The following FSTL1 variants were observed in gnomAD, a reference collection of about 807,000 sequenced individuals.
The protein encoded by FSTL1 is follistatin like 1.
In FSTL1, 24 loss-of-function variants were observed where a neutral mutation model predicts 45.9. The ratio of observed to expected loss-of-function variants is 0.52; its 90% CI spans 0.38 to 0.74. The LOEUF is 0.74. Among genes scored for constraint, FSTL1 ranks in the 30% least tolerant of loss-of-function variants. The pLI, the probability that FSTL1 is intolerant of heterozygous loss-of-function variation, is 0.00. For missense variants in FSTL1, 340 were observed against 381.8 expected (o/e 0.89, Z 0.91); for synonymous variants, 120 against 137.6 (o/e 0.87, Z 0.89).
At chr3:120,423,713 G>C (rs1257983200) in intron 2 of FSTL1, 2 of 152,190 alleles carry the variant, frequency 1.3e-5, no homozygotes, top group Non-Finnish European at 2.9e-5. Flanking sequence ...TGACTCCACT[G>C]CTACTGACAG....
intron 3 of FSTL1, among the ~76,000 whole-genome samples, chr3:120,415,216 A>G (rs1937166757): frequency 6.6e-6 from 1 of 152,058 alleles, no homozygotes; most frequent in African/African-American, 2.4e-5. Context: ...CCCTGGTGTC[A>G]ATCAATGCTA....
chr3:120,421,642 T>C (rs2107661061), intron 2 of FSTL1: 1 of 152,360 alleles, frequency 6.6e-6, no homozygotes, highest in African/African-American at 2.4e-5. Context: ...TCTCTCTTTT[T>C]TTCTGGAAAG....
intron 2 of FSTL1, among the ~76,000 whole-genome samples, chr3:120,439,077 C>A (rs1937601102): frequency 6.6e-6 from 1 of 152,290 alleles, no homozygotes; most frequent in South Asian, 2.1e-4. Flanking sequence ...CAGAGCCAAG[C>A]AGACAGTGTC....
At chr3:120,436,472 T>C (rs1017539307) in intron 2 of FSTL1, among the ~76,000 whole-genome samples, 15 of 152,320 alleles carry the variant, frequency 9.8e-5, no homozygotes, top group East Asian at 7.7e-4. Context: ...TTGATCACTA[T>C]CAAGCCCTTG....
At chr3:120,408,517 T>C (rs531661921) in intron 6 of FSTL1, among the ~76,000 whole-genome samples, 5 of 152,200 alleles carry the variant, frequency 3.3e-5, no homozygotes, top group Admixed American at 6.5e-5. Context: ...ATTGGCCACA[T>C]TAGGTGGCCT....
chr3:120,399,124 G>A (rs1043643287), intron 10 of FSTL1, among the ~76,000 whole-genome samples: 11 of 152,174 alleles, frequency 7.2e-5, no homozygotes, highest in Non-Finnish European at 1.5e-4. Context: ...ATGTCAGAGA[G>A]AAGGCTAATA....
intron 4 of FSTL1, chr3:120,411,207 C>T (rs1937043999): frequency 2.1e-6 from 1 of 466,156 alleles, no homozygotes; most frequent in African/African-American, 2.0e-5. Context: ...AGTTACCCTT[C>T]TGGCCTCATA....
intron 2 of FSTL1, 96 bp downstream of exon 2, chr3:120,450,588 C>A: frequency 1.3e-6 from 1 of 762,628 alleles, no homozygotes; most frequent in South Asian, 2.0e-5. Flanking sequence ...CAGCGCCACC[C>A]CGGGAGAGCA....
Position 120,392,525 on chromosome 3 carries a change from C to T in FSTL1, c.*4427G>A, listed in dbSNP as rs1280951284. ...GCAAATTTATAAATGTACACACCCT[C>T]TTAAGAGGATGGTTTTATTCACTGT... On this transcript the variant is annotated 3_prime_UTR_variant, in exon 11 of 11. Coordinates refer to ENST00000295633, the MANE Select transcript of FSTL1 (RefSeq NM_007085.5). The T allele has an allele frequency of 6.6e-6, 1 of 152,204 alleles. No individual in the cohort carries two copies. Among genetic ancestry groups the T allele is most frequent in the Non-Finnish European group, 1.5e-5 (1 of 68,040 alleles). 9.4% of individuals were successfully genotyped at this position (152,204 alleles called of 1,614,324 possible). A position where few individuals can be genotyped will look rare whatever the true frequency, so the allele number is the denominator to read the frequency against.
chr3:120,440,486 T>C (rs374036378), intron 2 of FSTL1, among the ~76,000 whole-genome samples: 14 of 152,340 alleles, frequency 9.2e-5, no homozygotes, highest in African/African-American at 3.4e-4. Context: ...GAAGCGCTCC[T>C]GAGCCCTTCG....
chr3:120,442,508 C>T (rs1937643176), intron 2 of FSTL1, among the ~76,000 whole-genome samples: 1 of 152,228 alleles, frequency 6.6e-6, no homozygotes. Context: ...GGCCTGGCAT[C>T]GTGGCTCACG....
At chr3:120,413,191 A>G (rs557800689) in intron 3 of FSTL1, among the ~76,000 whole-genome samples, 3 of 152,358 alleles carry the variant, frequency 2.0e-5, no homozygotes, top group Non-Finnish European at 4.4e-5. Flanking sequence ...AACTGAAACA[A>G]GAAAGAGCAG....
intron 2 of FSTL1, among the ~76,000 whole-genome samples, chr3:120,448,351 G>T (rs1316167947): frequency 2.0e-5 from 3 of 152,124 alleles, no homozygotes; most frequent in African/African-American, 7.2e-5. Flanking sequence ...AATTTAAACA[G>T]CAAGCACCAT....
At chr3:120,412,331 T>C (rs555504578) in intron 3 of FSTL1, among the ~76,000 whole-genome samples, 10 of 152,310 alleles carry the variant, frequency 6.6e-5, no homozygotes, top group African/African-American at 2.2e-4. Flanking sequence ...CTTTAGGAGG[T>C]GATTAGGTCA....
Position 120,396,135 on chromosome 3 carries a change from A to AG in FSTL1, c.*816dup, listed in dbSNP as rs1936694476. The AG allele has an allele frequency of 6.8e-6, 1 of 148,066 alleles. No homozygotes were observed. 9.2% of individuals were successfully genotyped at this position (148,066 alleles called of 1,614,324 possible). ...TCTGGGTTATTTCAGCCCCTGCACCAGGAAGAACCCCAAACTCCTTCCACC... is the reference window on the plus strand; with the variant it reads ...TCTGGGTTATTTCAGCCCCTGCACCAGGGAAGAACCCCAAACTCCTTCCACC... On this transcript the variant is annotated 3_prime_UTR_variant, in exon 11 of 11. Transcript: ENST00000295633.
At chr3:120,408,560 G>A (rs376285420) in intron 6 of FSTL1, among the ~76,000 whole-genome samples, 13 of 152,340 alleles carry the variant, frequency 8.5e-5, no homozygotes, top group African/African-American at 3.1e-4. Context: ...TCATGTGTCT[G>A]AAGTTGCTCC....
intron 2 of FSTL1, among the ~76,000 whole-genome samples, chr3:120,418,264 C>G (rs1473657157): frequency 1.3e-5 from 2 of 152,090 alleles, no homozygotes; most frequent in Non-Finnish European, 2.9e-5. Flanking sequence ...TATTATTAAC[C>G]CTATTCCATA....
At chr3:120,445,166 A>G (rs1937710714) in intron 2 of FSTL1, among the ~76,000 whole-genome samples, 1 of 149,890 alleles carries the variant, frequency 6.7e-6, no homozygotes, top group Admixed American at 6.6e-5. Flanking sequence ...AGCAGATCTA[A>G]AGTTTACTAA....
At chr3:120,435,324 T>C (rs749464812) in intron 2 of FSTL1, among the ~76,000 whole-genome samples, 37 of 152,240 alleles carry the variant, frequency 2.4e-4, no homozygotes, top group African/African-American at 8.4e-4. Flanking sequence ...ACAGAAATTC[T>C]TCACTCAATT....
Sources: allele counts gnomAD v4.1 joint callset (sites outside exome capture counted in the v4.1 genomes callset), GRCh38; gene constraint gnomAD v4.1.1; transcripts MANE v1.5; gene names NCBI Gene and HGNC (gene_info 2026-07-23, HGNC 2026-07-21).